VEPH1: variants seen among roughly 807,000 people sequenced by gnomAD.
VEPH1 encodes ventricular zone-expressed PH domain-containing protein homolog 1.
VEPH1 carries 80 observed loss-of-function variants against 85.2 expected under a neutral mutation model. That is an observed-to-expected ratio of 0.94 (90% CI 0.78 to 1.13). The LOEUF (loss-of-function observed/expected upper bound fraction) is 1.13, where lower values mean the gene tolerates loss of function less well. Ranked by LOEUF, VEPH1 falls within the 50% of genes most tolerant of loss-of-function variation. The probability of loss-of-function intolerance (pLI) is 0.00; values close to 1 mark genes in which losing one functional copy is unlikely to be tolerated. For synonymous variants in VEPH1, 297 were observed against 348.0 expected (o/e 0.85, Z 1.63); for missense variants, 955 against 980.5 (o/e 0.97, Z 0.35).
intron 4 of VEPH1, chr3:157,459,472 T>G: frequency 2.4e-6 from 1 of 413,680 alleles, no homozygotes; most frequent in Non-Finnish European, 3.4e-6. Context: ...GCTGAGATAC[T>G]CATGGGCCTC....
rs535881406 is a variant in VEPH1, at chr3:157,450,969, C to T, written c.529+9212G>A. 1.1e-3 allele frequency among the ~76,000 whole-genome samples: 160 copies of T among 152,170 alleles called. 1 individual carries two copies. The highest frequency in any genetic ancestry group is 3.6e-3 in the African/African-American group (151 of 41,534). On this transcript the variant is annotated intron_variant, in intron 4 of 13. Transcript: ENST00000362010. ...TTTAAGCACTGCTAGAGTCATTTTGCTAAAATTTTTATTTATGATTTATGC... is the reference window on the plus strand; with the variant it reads ...TTTAAGCACTGCTAGAGTCATTTTGTTAAAATTTTTATTTATGATTTATGC...
chr3:157,467,559 T>G (rs1577727112), intron 3 of VEPH1, among the ~76,000 whole-genome samples: 1 of 152,358 alleles, frequency 6.6e-6, no homozygotes, highest in East Asian at 1.9e-4. Flanking sequence ...ATAAATGCTA[T>G]GACCCCAGGT....
chr3:157,369,188 A>AAAAAAAAAAAAC (rs1727155414), intron 7 of VEPH1, among the ~76,000 whole-genome samples: 1 of 143,746 alleles, frequency 7.0e-6, no homozygotes, highest in Non-Finnish European at 1.5e-5. Flanking sequence ...ATGAAAAAAA[A>AAAAAAAAAAAAC]AAAAAAAAAA....
chr3:157,415,690 C>A (rs191104080), intron 5 of VEPH1, among the ~76,000 whole-genome samples: 144 of 152,282 alleles, frequency 9.5e-4, no homozygotes, highest in Middle Eastern at 3.4e-3. Context: ...CCACTTGGTC[C>A]ACCTTCCCGC....
intron 9 of VEPH1, among the ~76,000 whole-genome samples, chr3:157,331,950 G>T (rs2108605798): frequency 6.6e-6 from 1 of 152,326 alleles, no homozygotes; most frequent in African/African-American, 2.4e-5. Context: ...TCTCAGGTCT[G>T]CCAGTTATGT....
intron 3 of VEPH1, among the ~76,000 whole-genome samples, chr3:157,469,241 AAG>A (rs1175647514): frequency 1.3e-5 from 2 of 152,202 alleles, no homozygotes; most frequent in Non-Finnish European, 2.9e-5. Context: ...GTGGTGCATG[AAG>A]AGTCTTTTGT....
intron 11 of VEPH1, among the ~76,000 whole-genome samples, chr3:157,298,686 C>T (rs1219540857): frequency 6.6e-6 from 1 of 152,080 alleles, no homozygotes; most frequent in Non-Finnish European, 1.5e-5. Flanking sequence ...AAGAAATTAC[C>T]AGACCCAGAA....
intron 2 of VEPH1, among the ~76,000 whole-genome samples, chr3:157,491,001 G>T (rs1201940326): frequency 6.6e-6 from 1 of 152,084 alleles, no homozygotes; most frequent in African/African-American, 2.4e-5. Context: ...CGTAATTTGA[G>T]CCCTATGACA....
At chr3:157,448,295 C>T (rs1018622548) in intron 4 of VEPH1, among the ~76,000 whole-genome samples, 66 of 152,182 alleles carry the variant, frequency 4.3e-4, no homozygotes, top group African/African-American at 1.6e-3. Context: ...CATTTTCTTC[C>T]CAAAGACTTT....
rs142947713 is a variant in VEPH1, at chr3:157,363,416, A to C, written c.1683T>G (p.Tyr561Ter). The change falls in exon 9 of 14, where the codon TAT (tyrosine) becomes TAG (stop). Residue 561 changes from tyrosine (Y) to a stop codon, truncating the protein, a stop_gained. Transcript: ENST00000362010. LOFTEE classifies it high-confidence loss of function. ...LKKNLSKVKAYAMEIGKKIPV... is the reference protein window; with the variant it reads ...LKKNLSKVKA ...GAATCTTCTTTCCAATTTCCATGGC[A>C]TATGCTTTCACTTTGCTGAGGTTTT... The C allele has an allele frequency of 2.5e-6, 4 of 1,612,708 alleles. No individual in the cohort carries two copies. In the African/African-American group the frequency reaches 5.4e-5, roughly 22 times the overall value.
chr3:157,348,744 T>C (rs1009182790), intron 9 of VEPH1, among the ~76,000 whole-genome samples: 2 of 152,214 alleles, frequency 1.3e-5, no homozygotes, highest in South Asian at 2.1e-4. Context: ...TCTACTCCCC[T>C]GCTGCACTTC....
chr3:157,273,978 T>C (rs1375561422), intron 12 of VEPH1, among the ~76,000 whole-genome samples: 3 of 152,206 alleles, frequency 2.0e-5, no homozygotes, highest in African/African-American at 7.2e-5. Context: ...AAGAGCACTG[T>C]CTTTGGAGGC....
chr3:157,387,381 A>G (rs1729414679), intron 6 of VEPH1, among the ~76,000 whole-genome samples: 3 of 152,172 alleles, frequency 2.0e-5, no homozygotes, highest in African/African-American at 7.2e-5. Context: ...TTTTAACTTA[A>G]TCTTCACAAT....
At chr3:157,301,385 T>G (rs1465995319) in intron 11 of VEPH1, among the ~76,000 whole-genome samples, 1 of 152,198 alleles carries the variant, frequency 6.6e-6, no homozygotes, top group Non-Finnish European at 1.5e-5. Context: ...TGTTTTTTCC[T>G]GGGCCTGTTT....
At chr3:157,413,751 G>T in intron 6 of VEPH1, 130 bp downstream of exon 6, 2 of 1,387,944 alleles carry the variant, frequency 1.4e-6, no homozygotes, top group Non-Finnish European at 1.9e-6. Context: ...AAATTTGTAT[G>T]TCAAAGAGAA....
At chr3:157,493,049 C>T (rs55822173) in intron 2 of VEPH1, 13 of 295,224 alleles carry the variant, frequency 4.4e-5, no homozygotes, top group Non-Finnish European at 8.1e-5. Context: ...TCTTCTCTCC[C>T]CCACCACTGA....
intron 7 of VEPH1, among the ~76,000 whole-genome samples, chr3:157,365,597 C>A (rs1726582228): frequency 6.6e-6 from 1 of 152,154 alleles, no homozygotes; most frequent in African/African-American, 2.4e-5. Flanking sequence ...CCAGCTTACA[C>A]TTCTGTTCAA....
chr3:157,499,255 T>A (rs994352896), intron 1 of VEPH1: 2 of 44,480 alleles, frequency 4.5e-5, no homozygotes, highest in African/African-American at 7.0e-5. Flanking sequence ...TTATTTAGTT[T>A]TTTTTTTTTT....
chr3:157,466,500 T>C lies in VEPH1; in HGVS notation c.354+3814A>G, dbSNP rs529048675. Among the ~76,000 whole-genome samples the C allele has an allele frequency of 6.6e-5, 10 of 152,312 alleles. 1 individual carries two copies. In the South Asian group the frequency reaches 2.1e-3, roughly 32 times the overall value. The stretch of plus-strand genomic sequence containing the variant: ...GCTAGCTACAAACCACTACTTCTAT[T>C]GAGTACTTACTATTTAGCAATTGTA... On this transcript the variant is annotated intron_variant, in intron 3 of 13. Coordinates refer to ENST00000362010, the MANE Select transcript of VEPH1 (RefSeq NM_001167912.2).
Sources: allele counts gnomAD v4.1 joint callset (sites outside exome capture counted in the v4.1 genomes callset), GRCh38; gene constraint gnomAD v4.1.1; transcripts MANE v1.5; gene names NCBI Gene and HGNC (gene_info 2026-07-23, HGNC 2026-07-21).